KATNAL1: variants seen among roughly 807,000 people sequenced by gnomAD.
The protein encoded by KATNAL1 is katanin p60 ATPase-containing subunit A-like 1.
Under a neutral mutation model 55.2 loss-of-function variants are expected in KATNAL1, and 32 were observed. The ratio of observed to expected loss-of-function variants is 0.58; its 90% CI spans 0.44 to 0.78. The LOEUF (loss-of-function observed/expected upper bound fraction) is 0.78, where lower values mean the gene tolerates loss of function less well. Ranked by LOEUF, KATNAL1 falls within the 30% of genes least tolerant of loss-of-function variation. The pLI is 0.00. For missense variants in KATNAL1, 466 were observed against 600.9 expected, an observed-to-expected ratio of 0.78 and a Z score of 2.35; for synonymous variants, 193 against 193.6, an observed-to-expected ratio of 1.00 and a Z score of 0.02.
intron 3 of KATNAL1, among the ~76,000 whole-genome samples, chr13:30,259,943 G>A (rs1879130713): frequency 6.6e-6 from 1 of 152,340 alleles, no homozygotes; most frequent in Admixed American, 6.5e-5. Context: ...CAAAAAGACA[G>A]CAGTAACCTC....
chr13:30,263,703 C>T (rs1038649603), intron 3 of KATNAL1, among the ~76,000 whole-genome samples: 1 of 145,686 alleles, frequency 6.9e-6, no homozygotes, highest in African/African-American at 2.5e-5. Flanking sequence ...GAACTACAAA[C>T]CACTGCTCAA....
intron 1 of KATNAL1, among the ~76,000 whole-genome samples, chr13:30,297,950 C>T (rs182102569): frequency 6.6e-6 from 1 of 152,282 alleles, no homozygotes; most frequent in East Asian, 1.9e-4. Flanking sequence ...ATTCATATCC[C>T]AAACCTCAGC....
At chr13:30,304,538 G>A (rs990611292) in intron 1 of KATNAL1, among the ~76,000 whole-genome samples, 3 of 152,060 alleles carry the variant, frequency 2.0e-5, no homozygotes, top group African/African-American at 2.4e-5. Flanking sequence ...AAAGTGCTGG[G>A]ATTACAGGCG....
chr13:30,296,277 C>A, intron 1 of KATNAL1: 2 of 1,208,162 alleles, frequency 1.7e-6, no homozygotes, highest in Non-Finnish European at 2.3e-6. Flanking sequence ...TTTTTCTACC[C>A]TCTGGACTTC....
intron 9 of KATNAL1, among the ~76,000 whole-genome samples, chr13:30,216,357 A>G (rs75492563): frequency 0.05 from 7,679 of 152,230 alleles, 294 homozygotes; most frequent in African/African-American, 0.1. Flanking sequence ...GGGAGGCTCC[A>G]CTTCTCCTGG....
intron 3 of KATNAL1, among the ~76,000 whole-genome samples, chr13:30,273,633 G>A (rs925951974): frequency 2.6e-5 from 4 of 152,106 alleles, no homozygotes; most frequent in African/African-American, 7.2e-5. Flanking sequence ...TAAAAATAGG[G>A]TCCATCCCAT....
intron 9 of KATNAL1, 72 bp from the exon 10 acceptor site, chr13:30,210,514 A>C (rs1369688599): frequency 7.0e-7 from 1 of 1,426,752 alleles, no homozygotes; most frequent in Non-Finnish European, 9.5e-7. Context: ...ATGACATATT[A>C]ACATTTGGGG....
intron 3 of KATNAL1, among the ~76,000 whole-genome samples, chr13:30,271,333 C>T (rs1180746295): frequency 1.3e-5 from 2 of 152,120 alleles, no homozygotes; most frequent in Non-Finnish European, 2.9e-5. Flanking sequence ...TAAAGAAATA[C>T]CTGAGACTGG....
chr13:30,225,828 C>A (rs1347189703), intron 9 of KATNAL1, among the ~76,000 whole-genome samples: 1 of 151,850 alleles, frequency 6.6e-6, no homozygotes, highest in African/African-American at 2.4e-5. Flanking sequence ...AGGACTTCAT[C>A]AAAATTTAAA....
At chr13:30,261,467 G>A (rs370360176) in intron 3 of KATNAL1, among the ~76,000 whole-genome samples, 5 of 152,160 alleles carry the variant, frequency 3.3e-5, no homozygotes, top group African/African-American at 7.2e-5. Flanking sequence ...GTATTCAGGA[G>A]ACCCATCTCA....
At chr13:30,296,089 G>A (rs1296044076) in intron 1 of KATNAL1, 17 of 307,832 alleles carry the variant, frequency 5.5e-5, no homozygotes, top group Non-Finnish European at 9.1e-5. Context: ...CTGAGAACGC[G>A]GGTCCACGCA....
intron 6 of KATNAL1, among the ~76,000 whole-genome samples, chr13:30,237,977 T>A (rs541788565): frequency 8.5e-5 from 13 of 152,220 alleles, no homozygotes; most frequent in Non-Finnish European, 1.6e-4. Context: ...TCCTAATTCA[T>A]AATCACCATC....
chr13:30,210,540 T>C, intron 9 of KATNAL1, 98 bp from the exon 10 acceptor site: 1 of 1,046,478 alleles, frequency 9.6e-7, no homozygotes, highest in Non-Finnish European at 1.4e-6. Context: ...ATGAGGCCAA[T>C]GCAAAGAAGA....
At chr13:30,230,957 T>C (rs9551875) in intron 7 of KATNAL1, among the ~76,000 whole-genome samples, 24,373 of 152,226 alleles carry the variant, frequency 0.16, 2,339 homozygotes, top group East Asian at 0.33. Context: ...GAATAAACTT[T>C]AATGACGGGT....
chr13:30,303,996 T>C (rs752360487), intron 1 of KATNAL1, among the ~76,000 whole-genome samples: 1 of 152,228 alleles, frequency 6.6e-6, no homozygotes, highest in Non-Finnish European at 1.5e-5. Flanking sequence ...ATGCTTTCAG[T>C]TGTTGAGCAC....
intron 3 of KATNAL1, among the ~76,000 whole-genome samples, chr13:30,260,791 C>T (rs9741248): frequency 0.011 from 1,638 of 148,000 alleles, 138 homozygotes; most frequent in African/African-American, 0.037. Flanking sequence ...TTGGAAAACA[C>T]TCTGCAGGAT....
intron 4 of KATNAL1, among the ~76,000 whole-genome samples, chr13:30,249,638 A>G (rs557042756): frequency 6.6e-6 from 1 of 151,038 alleles, no homozygotes; most frequent in Admixed American, 6.6e-5. Flanking sequence ...ACAAAAGAAT[A>G]CTTACTGTAC....
At chr13:30,269,767 C>T (rs1880113478) in intron 3 of KATNAL1, among the ~76,000 whole-genome samples, 3 of 151,424 alleles carry the variant, frequency 2.0e-5, no homozygotes, top group South Asian at 2.1e-4. Flanking sequence ...GCAACCGCCC[C>T]GTCTGAGAAG....
chr13:30,241,002 C>T lies in KATNAL1; in HGVS notation c.577G>A (p.Ala193Thr), dbSNP rs1312226193. 6.2e-7 allele frequency: 1 copy of T among 1,613,482 alleles called. No homozygotes were observed. The highest frequency in any genetic ancestry group is 1.3e-5 in the African/African-American group (1 of 74,878). ...GAGYDKDLVE[A>T]LERDIVSRNP... Reference sequence around the variant, plus strand: ...CTGGATACAATGTCTCTTTCAAGGGCTTCCACCAGATCCTTATCATAACCA... The same window carrying T: ...CTGGATACAATGTCTCTTTCAAGGGTTTCCACCAGATCCTTATCATAACCA... The change falls in exon 5 of 11, where the codon GCC (alanine) becomes ACC (threonine). Residue 193 changes from alanine to threonine, a missense_variant. Physicochemically the swap from Ala to Thr is moderately conservative, Grantham distance 58. Around this residue, in one of 3 missense-constraint regions of KATNAL1, gnomAD observed 248 missense variants for 275.5 expected, o/e 0.90. Coordinates refer to ENST00000380615, the MANE Select transcript of KATNAL1 (RefSeq NM_032116.5).
Sources: allele counts gnomAD v4.1 joint callset (sites outside exome capture counted in the v4.1 genomes callset), GRCh38; gene constraint gnomAD v4.1.1; regional missense constraint gnomAD v4.1.1; transcripts MANE v1.5; gene names NCBI Gene and HGNC (gene_info 2026-07-23, HGNC 2026-07-21).